Variants in OLFM4 observed in about 807,000 individuals in gnomAD.
OLFM4 encodes olfactomedin-4.
Under a neutral mutation model 25.5 loss-of-function variants are expected in OLFM4, and 22 were observed. The observed-to-expected ratio is 0.86, with a 90% CI of 0.62 to 1.23. The LOEUF (loss-of-function observed/expected upper bound fraction) is 1.23, where lower values mean the gene tolerates loss of function less well. Among genes scored for constraint, OLFM4 ranks in the 50% most tolerant of loss-of-function variants. The probability of loss-of-function intolerance (pLI) is 0.00; values close to 1 mark genes in which losing one functional copy is unlikely to be tolerated. For synonymous variants in OLFM4, 255 were observed against 237.7 expected (o/e 1.07, Z -0.67); for missense variants, 594 against 619.4 (o/e 0.96, Z 0.44).
At chr13:53,039,383 G>A (rs563085842) in intron 2 of OLFM4, among the ~76,000 whole-genome samples, 1 of 152,254 alleles carries the variant, frequency 6.6e-6, no homozygotes, top group African/African-American at 2.4e-5. Context: ...AGGGGGACTT[G>A]TTAGGTTTTA....
Position 53,043,149 on chromosome 13 carries a change from C to T in OLFM4, c.615C>T (p.Asp205=), listed in dbSNP as rs1463722463. 1 of 1,612,372 alleles carries T rather than the reference C, an allele frequency of 6.2e-7. No homozygotes were observed. Among genetic ancestry groups the T allele is most frequent in the Non-Finnish European group, 8.5e-7 (1 of 1,179,364 alleles). ...TLLVEKLETL[D]KNNVLAIRRE... is the part of the protein sequence containing the mutation. ...TGGTAGAGAAGCTTGAGACACTAGA[C>T]AAAAACAATGTCCTTGCCATTCGCC... is the stretch of plus-strand genomic sequence containing the variant. The change falls in exon 4 of 5, where the codon GAC becomes GAT. Residue 205 remains aspartate, a synonymous_variant. Transcript: ENST00000219022.
Position 53,050,760 on chromosome 13 carries a change from A to G in OLFM4, c.1522A>G (p.Lys508Glu). Residue 508 changes from lysine to glutamate, a missense_variant, in exon 5 of 5, where the codon AAG becomes GAG. Physicochemically the swap from Lys to Glu is moderately conservative, Grantham distance 56 (BLOSUM62 1). Coordinates refer to ENST00000219022, the MANE Select transcript of OLFM4 (RefSeq NM_006418.5). ...LLNYDLSVLQ[K>E]PQ ...GAATTATGATCTTTCTGTCTTGCAG[A>G]AGCCCCAGTAAGCTGTTTAGGAGTT... The G allele has an allele frequency of 6.3e-7, 1 of 1,587,246 alleles. No individual in the cohort carries two copies. The highest frequency in any genetic ancestry group is 8.5e-7 in the Non-Finnish European group (1 of 1,170,200).
At chr13:53,039,173 C>G (rs1954674793) in intron 2 of OLFM4, among the ~76,000 whole-genome samples, 1 of 152,208 alleles carries the variant, frequency 6.6e-6, no homozygotes, top group Non-Finnish European at 1.5e-5. Context: ...GATGTGCCAC[C>G]AAAATGTTCC....
chr13:53,040,705 C>A (rs988571994), intron 2 of OLFM4, among the ~76,000 whole-genome samples: 1 of 152,144 alleles, frequency 6.6e-6, no homozygotes, highest in Admixed American at 6.5e-5. Context: ...CACAGCACAA[C>A]CCCCACAAGA....
At position 53,041,998 on chromosome 13, in the gene OLFM4, T is replaced by C; in HGVS notation, c.446T>C (p.Ile149Thr). The C allele has an allele frequency of 6.2e-7, 1 of 1,613,920 alleles. No individual in the cohort carries two copies. The highest frequency in any genetic ancestry group is 1.3e-5 in the African/African-American group (1 of 75,040). Residue 149 changes from isoleucine to threonine, a missense_variant, in exon 3 of 5, where the codon ATT becomes ACT. By Grantham distance (89) the Ile-to-Thr change is moderately conservative. Coordinates refer to ENST00000219022, the MANE Select transcript of OLFM4 (RefSeq NM_006418.5). ...ATTGACATCATGGAGAAGGATACCA[T>C]TTCTTACACTGAACTGGACTTCGAG... ...VRIDIMEKDT[I>T]SYTELDFELI...
At chr13:53,047,444 G>A (rs1954721502) in intron 4 of OLFM4, among the ~76,000 whole-genome samples, 3 of 152,112 alleles carry the variant, frequency 2.0e-5, no homozygotes, top group Non-Finnish European at 4.4e-5. Flanking sequence ...GGCCACATTT[G>A]TAGCATTGGC....
At chr13:53,038,293 C>T (rs2138235048) in intron 2 of OLFM4, among the ~76,000 whole-genome samples, 1 of 152,256 alleles carries the variant, frequency 6.6e-6, no homozygotes, top group East Asian at 1.9e-4. Context: ...AACCACTTTT[C>T]TAGATCAAAA....
rs756115844 is a variant in OLFM4, at chr13:53,029,008, CGCAGCTTAG to C, written c.178_186del (p.Leu60_Ser62del). On this transcript the variant is annotated inframe_deletion, in exon 1 of 5. Coordinates refer to ENST00000219022, the MANE Select transcript of OLFM4 (RefSeq NM_006418.5). ...CTCCAGGTCGGGCTCCAGCTCCAGC[CGCAGCTTAG>C]GCAGCGGAGGTTCTGTGTCCCAGGT... is the stretch of plus-strand genomic sequence containing the variant. The C allele has an allele frequency of 4.3e-6, 7 of 1,614,160 alleles. No homozygotes were observed. In the South Asian group the frequency reaches 5.5e-5, roughly 13 times the overall value.
intron 1 of OLFM4, among the ~76,000 whole-genome samples, chr13:53,030,430 G>A (rs1254231033): frequency 2.6e-5 from 4 of 152,100 alleles, no homozygotes; most frequent in Non-Finnish European, 2.9e-5. Flanking sequence ...AGCCTCCTGA[G>A]TAGCTGGGAT....
chr13:53,042,661 A>G (rs1954693745), intron 3 of OLFM4, among the ~76,000 whole-genome samples: 1 of 152,224 alleles, frequency 6.6e-6, no homozygotes, highest in South Asian at 2.1e-4. Context: ...TGGGTAATTT[A>G]TATCAACAAA....
chr13:53,036,683 C>T (rs752047053), intron 2 of OLFM4, among the ~76,000 whole-genome samples: 39 of 152,032 alleles, frequency 2.6e-4, no homozygotes, highest in Admixed American at 8.5e-4. Flanking sequence ...TTTATATAAT[C>T]GATTTAGTGT....
intron 1 of OLFM4, among the ~76,000 whole-genome samples, chr13:53,031,349 C>G (rs1954627976): frequency 1.3e-5 from 2 of 152,244 alleles, no homozygotes; most frequent in African/African-American, 2.4e-5. Flanking sequence ...ATTTTCTGTA[C>G]TTTGAAAATG....
At chr13:53,033,263 CTT>C (rs1157883265) in intron 1 of OLFM4, among the ~76,000 whole-genome samples, 2 of 152,126 alleles carry the variant, frequency 1.3e-5, no homozygotes, top group Admixed American at 6.5e-5. Context: ...TTTAAAATGA[CTT>C]TTTCTGCAAA....
chr13:53,041,093 T>C (rs972634046), intron 2 of OLFM4, among the ~76,000 whole-genome samples: 1 of 152,108 alleles, frequency 6.6e-6, no homozygotes, highest in African/African-American at 2.4e-5. Flanking sequence ...AAAAGAACTA[T>C]TATTCAACCT....
intron 4 of OLFM4, among the ~76,000 whole-genome samples, chr13:53,043,513 C>T (rs951499731): frequency 1.3e-5 from 2 of 151,898 alleles, no homozygotes; most frequent in Non-Finnish European, 2.9e-5. Context: ...GCAAAATCCA[C>T]GAGTTACACG....
rs1593481127 is a variant in OLFM4 at position 53,043,237 on chromosome 13, C to T, written c.703C>T (p.Pro235Ser). The T allele has an allele frequency of 3.7e-6, 6 of 1,609,958 alleles. No homozygotes were observed. The highest frequency in any genetic ancestry group is 2.2e-5 in the East Asian group (1 of 44,750). Residue 235 changes from proline to serine, a missense_variant, in exon 4 of 5, where the codon CCT becomes TCT. Coordinates refer to ENST00000219022, the MANE Select transcript of OLFM4 (RefSeq NM_006418.5). ...ECEASKDQNT[P>S]VVHPPPTPGS... ...TGAGGCCTCTAAAGATCAAAACACCCCTGTCGTCCACCCTCCTCCCACTCC... is the reference window on the plus strand; with the variant it reads ...TGAGGCCTCTAAAGATCAAAACACCTCTGTCGTCCACCCTCCTCCCACTCC...
intron 4 of OLFM4, among the ~76,000 whole-genome samples, chr13:53,047,724 A>G (rs943602304): frequency 1.3e-5 from 2 of 152,174 alleles, no homozygotes; most frequent in African/African-American, 4.8e-5. Flanking sequence ...TAATACTATT[A>G]TACTAATAAT....
chr13:53,043,029 A>G, intron 3 of OLFM4, 76 bp from the exon 4 acceptor site: 1 of 1,164,656 alleles, frequency 8.6e-7, no homozygotes, highest in Non-Finnish European at 1.2e-6. Context: ...TCACTAAATG[A>G]CAAATTCAGC....
chr13:53,031,018 A>G (rs923672462), intron 1 of OLFM4, among the ~76,000 whole-genome samples: 1 of 152,228 alleles, frequency 6.6e-6, no homozygotes, highest in African/African-American at 2.4e-5. Flanking sequence ...TTTGGGTAAG[A>G]TTATCAACTA....
Sources: allele counts gnomAD v4.1 joint callset (sites outside exome capture counted in the v4.1 genomes callset), GRCh38; gene constraint gnomAD v4.1.1; transcripts MANE v1.5; gene names NCBI Gene and HGNC (gene_info 2026-07-23, HGNC 2026-07-21).